The following SIL1 variants were observed in gnomAD, a reference collection of about 807,000 sequenced individuals.
The protein encoded by SIL1 is nucleotide exchange factor SIL1.
A neutral mutation model predicts 49.1 loss-of-function variants in SIL1; 40 were observed. The ratio of observed to expected loss-of-function variants is 0.81; its 90% CI spans 0.63 to 1.06. The LOEUF (loss-of-function observed/expected upper bound fraction) is 1.06, where lower values mean the gene tolerates loss of function less well. Among genes scored for constraint, SIL1 ranks in the 50% least tolerant of loss-of-function variants. The pLI, the probability that SIL1 is intolerant of heterozygous loss-of-function variation, is 0.00. For synonymous variants in SIL1, 253 were observed against 250.8 expected (o/e 1.01, Z -0.08); for missense variants, 500 against 572.6 (o/e 0.87, Z 1.29).
At chr5:139,007,851 G>C (rs1220090998) in intron 7 of SIL1, among the ~76,000 whole-genome samples, 8 of 145,592 alleles carry the variant, frequency 5.5e-5, no homozygotes, top group Non-Finnish European at 1.1e-4. Context: ...TGTGCTGCTG[G>C]ATTCGGTTTG....
At chr5:139,120,502 C>T (rs1750603342) in intron 3 of SIL1, among the ~76,000 whole-genome samples, 1 of 152,030 alleles carries the variant, frequency 6.6e-6, no homozygotes, top group Non-Finnish European at 1.5e-5. Flanking sequence ...GTTGACTATT[C>T]TCATTATTTT....
chr5:139,167,058 C>G (rs978490757), intron 1 of SIL1, among the ~76,000 whole-genome samples: 3 of 152,076 alleles, frequency 2.0e-5, no homozygotes, highest in Non-Finnish European at 4.4e-5. Context: ...GTGATCCACC[C>G]GCCTCAGCCT....
intron 7 of SIL1, among the ~76,000 whole-genome samples, chr5:138,960,089 G>C (rs765273431): frequency 6.6e-6 from 1 of 152,114 alleles, no homozygotes; most frequent in Non-Finnish European, 1.5e-5. Context: ...TTTTAAACAA[G>C]GAATCTGAAT....
At chr5:138,989,245 A>G (rs1212895334) in intron 7 of SIL1, among the ~76,000 whole-genome samples, 1 of 152,154 alleles carries the variant, frequency 6.6e-6, no homozygotes. Flanking sequence ...TCCACAGGGA[A>G]AACAAGAATC....
chr5:139,169,467 T>C (rs779321994), intron 1 of SIL1, among the ~76,000 whole-genome samples: 1 of 142,542 alleles, frequency 7.0e-6, no homozygotes, highest in Non-Finnish European at 1.5e-5. Context: ...TGTGTGTGTA[T>C]ATAGATAGAT....
chr5:138,979,788 C>A (rs1032777124), intron 7 of SIL1, among the ~76,000 whole-genome samples: 1 of 152,188 alleles, frequency 6.6e-6, no homozygotes, highest in Non-Finnish European at 1.5e-5. Context: ...TATCTGGAAT[C>A]ATTTCTGTCT....
intron 4 of SIL1, among the ~76,000 whole-genome samples, chr5:139,047,244 G>C (rs1427844301): frequency 6.6e-6 from 1 of 152,208 alleles, no homozygotes; most frequent in Non-Finnish European, 1.5e-5. Context: ...CAGGGATATG[G>C]ACTAAAACCA....
At chr5:138,997,239 T>C (rs1423284759) in intron 7 of SIL1, among the ~76,000 whole-genome samples, 1 of 152,214 alleles carries the variant, frequency 6.6e-6, no homozygotes, top group Admixed American at 6.5e-5. Context: ...TTCCAATGTT[T>C]ATTCTAGTAG....
At chr5:139,132,460 C>A (rs1392976533) in intron 1 of SIL1, among the ~76,000 whole-genome samples, 2 of 152,218 alleles carry the variant, frequency 1.3e-5, no homozygotes, top group Non-Finnish European at 2.9e-5. Context: ...ATGGACTGCA[C>A]AGCTGACCCA....
intron 3 of SIL1, among the ~76,000 whole-genome samples, chr5:139,097,240 C>T (rs997287355): frequency 4.0e-5 from 6 of 151,802 alleles, no homozygotes; most frequent in African/African-American, 9.7e-5. Flanking sequence ...AGCGAGGTGC[C>T]GTCTGGGAAT....
intron 1 of SIL1, among the ~76,000 whole-genome samples, chr5:139,128,678 A>G (rs961495289): frequency 6.6e-6 from 1 of 152,028 alleles, no homozygotes; most frequent in Non-Finnish European, 1.5e-5. Context: ...TTAAAAGAAT[A>G]TAAGGATGGA....
At chr5:138,955,756 T>C (rs1766888727) in intron 7 of SIL1, among the ~76,000 whole-genome samples, 1 of 152,116 alleles carries the variant, frequency 6.6e-6, no homozygotes, top group South Asian at 2.1e-4. Flanking sequence ...TTCAAGACAG[T>C]GAGAACAGAG....
chr5:139,093,130 T>A lies in SIL1; in HGVS notation c.244+27905A>T, dbSNP rs760060526. Among the ~76,000 whole-genome samples the A allele has an allele frequency of 2.0e-5, 3 of 152,130 alleles. No homozygotes were observed. The South Asian group carries it at 6.2e-4, about 32-fold the overall frequency. On this transcript the variant is annotated intron_variant, in intron 3 of 9. Coordinates refer to ENST00000394817, the MANE Select transcript of SIL1 (RefSeq NM_022464.5). ...ACATAGCAACACTCCGTCTCTTTTG[T>A]TCCCCCCCACAAAAGGCAAGTTCAG...
chr5:139,051,546 T>C (rs1215463879), intron 3 of SIL1, among the ~76,000 whole-genome samples: 2 of 152,228 alleles, frequency 1.3e-5, no homozygotes, highest in Non-Finnish European at 2.9e-5. Flanking sequence ...ATTAGGCTCC[T>C]TCTATGAGGC....
At chr5:139,092,925 T>A (rs758470757) in intron 3 of SIL1, among the ~76,000 whole-genome samples, 21 of 152,184 alleles carry the variant, frequency 1.4e-4, no homozygotes, top group African/African-American at 4.3e-4. Flanking sequence ...TCATGAGGGC[T>A]TTGCCCTCAT....
Position 138,968,455 on chromosome 5 carries a change from C to A in SIL1, c.768-16571G>T, listed in dbSNP as rs545519526. ...GAATCTCAGTGTGCTGTGTTCCCCA[C>A]CGCCTCTGCCTGAGCGCCCTGCCCC... On this transcript the variant is annotated intron_variant, in intron 7 of 9. Coordinates refer to ENST00000394817, the MANE Select transcript of SIL1 (RefSeq NM_022464.5). Among the ~76,000 whole-genome samples the A allele has an allele frequency of 2.6e-5, 4 of 152,266 alleles. No homozygotes were observed. In the South Asian group the frequency reaches 8.3e-4, roughly 32 times the overall value.
In SIL1 at chr5:138,951,216, G is replaced by A. The variant is rs368666457; in HGVS notation, c.984C>T (p.Leu328=). 446 of 1,608,820 alleles carry A rather than the reference G, an allele frequency of 2.8e-4. No individual in the cohort carries two copies. Among genetic ancestry groups the A allele is most frequent in the Middle Eastern group, 9.9e-4 (6 of 6,078 alleles). ...TLVQEKGTEV[L]AVRVVTLLYD... is the part of the protein sequence containing the mutation. ...AGAGCAGTGTGACCACGCGCACGGC[G>A]AGCACCTCCGTGCCCTTCTCCTGCA... Residue 328 remains leucine (L), a synonymous_variant, in exon 9 of 10, where the codon CTC becomes CTT. Coordinates refer to ENST00000394817, the MANE Select transcript of SIL1 (RefSeq NM_022464.5).
chr5:139,135,450 G>A (rs1025663003), intron 1 of SIL1, among the ~76,000 whole-genome samples: 9 of 152,170 alleles, frequency 5.9e-5, no homozygotes, highest in Admixed American at 2.6e-4. Flanking sequence ...AAAATCCACC[G>A]TGCAGCCTGC....
chr5:139,075,331 T>C (rs1361700517), intron 3 of SIL1, among the ~76,000 whole-genome samples: 1 of 152,180 alleles, frequency 6.6e-6, no homozygotes, highest in Non-Finnish European at 1.5e-5. Flanking sequence ...CCTAGAACTT[T>C]ATTTTCCCTC....
Sources: allele counts gnomAD v4.1 joint callset (sites outside exome capture counted in the v4.1 genomes callset), GRCh38; gene constraint gnomAD v4.1.1; transcripts MANE v1.5; gene names NCBI Gene and HGNC (gene_info 2026-07-23, HGNC 2026-07-21).